The following CAMTA1 variants were observed in gnomAD, a reference collection of about 807,000 sequenced individuals.
CAMTA1 encodes calmodulin-binding transcription activator 1.
Under a neutral mutation model 170.9 loss-of-function variants are expected in CAMTA1, and 27 were observed. The ratio of observed to expected loss-of-function variants is 0.16; its 90% CI spans 0.12 to 0.22. The LOEUF is 0.22. Ranked by LOEUF, CAMTA1 falls within the 10% of genes least tolerant of loss-of-function variation. The probability of loss-of-function intolerance (pLI) is 1.00; values close to 1 mark genes in which losing one functional copy is unlikely to be tolerated. For synonymous variants in CAMTA1, 833 were observed against 891.5 expected (o/e 0.93, Z 1.17); for missense variants, 1,619 against 2,217.2 (o/e 0.73, Z 5.42).
At chr1:7,219,542 T>TAAAAAAAAA (rs34288461) in intron 4 of CAMTA1, 1 of 65,264 alleles carries the variant, frequency 1.5e-5, no homozygotes, top group African/African-American at 6.0e-5. Flanking sequence ...AATTTTTTCT[T>TAAAAAAAAA]AAAAAAAAAA....
intron 4 of CAMTA1, among the ~76,000 whole-genome samples, chr1:7,120,386 G>C (rs1054390536): frequency 1.4e-4 from 22 of 152,180 alleles, no homozygotes; most frequent in African/African-American, 4.8e-4. Context: ...ACAGGTTGTT[G>C]GACAGGGGCC....
chr1:7,555,634 G>T (rs1275640246), intron 6 of CAMTA1, among the ~76,000 whole-genome samples: 1 of 152,106 alleles, frequency 6.6e-6, no homozygotes, highest in African/African-American at 2.4e-5. Context: ...AAAGCCCCTG[G>T]CTCCCACGGA....
At chr1:6,898,376 A>G (rs1241309597) in intron 3 of CAMTA1, among the ~76,000 whole-genome samples, 1 of 151,984 alleles carries the variant, frequency 6.6e-6, no homozygotes, top group African/African-American at 2.4e-5. Context: ...ACACGGTGAA[A>G]CCCCGTCTCT....
chr1:7,670,787 G>A, intron 9 of CAMTA1, 124 bp from the exon 10 acceptor site: 1 of 1,080,956 alleles, frequency 9.3e-7, no homozygotes, highest in Non-Finnish European at 1.3e-6. Flanking sequence ...TGAGGGCCTG[G>A]GAATCTGCAT....
intron 21 of CAMTA1, 95 bp from the exon 22 acceptor site, chr1:7,755,543 T>A: frequency 1.0e-6 from 1 of 972,442 alleles, no homozygotes; most frequent in South Asian, 1.4e-5. Flanking sequence ...AGAAACCATG[T>A]TATATTCTTT....
At chr1:7,713,300 AAG>A (rs1234457326) in intron 11 of CAMTA1, among the ~76,000 whole-genome samples, 1 of 152,174 alleles carries the variant, frequency 6.6e-6, no homozygotes, top group African/African-American at 2.4e-5. Context: ...TGATGAGAGA[AAG>A]AGGAGGAAGA....
At chr1:7,339,354 C>T (rs985101907) in intron 5 of CAMTA1, among the ~76,000 whole-genome samples, 2 of 152,122 alleles carry the variant, frequency 1.3e-5, no homozygotes, top group Non-Finnish European at 2.9e-5. Context: ...ATTTCAGATA[C>T]AGCAGTCAGG....
At chr1:7,656,093 G>A (rs1183219407) in intron 7 of CAMTA1, among the ~76,000 whole-genome samples, 2 of 152,186 alleles carry the variant, frequency 1.3e-5, no homozygotes, top group African/African-American at 4.8e-5. Context: ...CTTGATATTG[G>A]ACTTCCCAGC....
chr1:6,794,583 T>C (rs1284575540), intron 1 of CAMTA1, among the ~76,000 whole-genome samples: 3 of 152,256 alleles, frequency 2.0e-5, no homozygotes, highest in African/African-American at 4.8e-5. Context: ...AGTTTTGTGC[T>C]TTGGAGAGGT....
intron 6 of CAMTA1, among the ~76,000 whole-genome samples, chr1:7,551,555 C>T (rs553310594): frequency 6.6e-6 from 1 of 152,272 alleles, no homozygotes; most frequent in South Asian, 2.1e-4. Context: ...ACGTCCTCAC[C>T]GCAGGCTCCC....
At position 7,092,083 on chromosome 1, in the gene CAMTA1, T is replaced by C. The variant is rs1361794298; in HGVS notation, c.302+712T>C. ...ATGTTACAATCTAGAGCTTCGGAAA[T>C]ACATGGCCACTCTCTTCCAATTGCC... On this transcript the variant is annotated intron_variant, in intron 4 of 22. Coordinates refer to ENST00000303635, the MANE Select transcript of CAMTA1 (RefSeq NM_015215.4). The surrounding 1 kb of genome is among the most constrained non-coding windows in gnomAD (Gnocchi z 5.0). Among the ~76,000 whole-genome samples the C allele has an allele frequency of 6.6e-6, 1 of 152,226 alleles. No individual in the cohort carries two copies. Among genetic ancestry groups the C allele is most frequent in the African/African-American group, 2.4e-5 (1 of 41,454 alleles).
chr1:7,401,618 C>T (rs2089911712), intron 5 of CAMTA1, among the ~76,000 whole-genome samples: 1 of 152,154 alleles, frequency 6.6e-6, no homozygotes, highest in African/African-American at 2.4e-5. Context: ...TTCACATCAA[C>T]ATGGTATGTT....
chr1:7,582,545 G>A (rs547919811), intron 6 of CAMTA1, among the ~76,000 whole-genome samples: 1 of 152,192 alleles, frequency 6.6e-6, no homozygotes, highest in South Asian at 2.1e-4. Context: ...GGGCTAGTGT[G>A]GTGACTGCAC....
intron 3 of CAMTA1, among the ~76,000 whole-genome samples, chr1:7,035,210 C>G (rs6577407): frequency 0.68 from 103,950 of 151,874 alleles, 36,596 homozygotes; most frequent in African/African-American, 0.86. Flanking sequence ...GAGACCACCT[C>G]ATCAACATGG....
At chr1:7,439,911 T>C (rs367871602) in intron 5 of CAMTA1, among the ~76,000 whole-genome samples, 71 of 152,314 alleles carry the variant, frequency 4.7e-4, no homozygotes, top group African/African-American at 1.7e-3. Context: ...ATTTGCAAAA[T>C]GAAGAGGCCC....
At chr1:7,199,225 C>T (rs1274843788) in intron 4 of CAMTA1, among the ~76,000 whole-genome samples, 1 of 152,236 alleles carries the variant, frequency 6.6e-6, no homozygotes, top group African/African-American at 2.4e-5. Context: ...CCCCACGCCT[C>T]CACCCGCTGG....
chr1:7,270,419 C>T (rs1008917648), intron 5 of CAMTA1, among the ~76,000 whole-genome samples: 9 of 151,484 alleles, frequency 5.9e-5, no homozygotes, highest in Non-Finnish European at 1.2e-4. Flanking sequence ...CTCACCCTCC[C>T]GAGTAGCTGG....
chr1:7,524,804 G>C lies in CAMTA1; in HGVS notation c.510+56903G>C, dbSNP rs567739012. Among the ~76,000 whole-genome samples the C allele has an allele frequency of 1.3e-4, 20 of 152,034 alleles. No individual in the cohort carries two copies. The South Asian group carries it at 4.2e-3, about 32-fold the overall frequency. The stretch of plus-strand genomic sequence containing the variant: ...ATCCTGGAGGGCCCGGTGGGTAAGG[G>C]GTCCACAGCCTCCCGCTCAGGTTTT... On this transcript the variant is annotated intron_variant, in intron 6 of 22. Transcript: ENST00000303635.
intron 3 of CAMTA1, among the ~76,000 whole-genome samples, chr1:6,959,361 G>T (rs919085937): frequency 6.6e-6 from 1 of 152,190 alleles, no homozygotes; most frequent in Non-Finnish European, 1.5e-5. Context: ...GAGGGAGTTT[G>T]CAGGAAGCGG....
Sources: allele counts gnomAD v4.1 joint callset (sites outside exome capture counted in the v4.1 genomes callset), GRCh38; gene constraint gnomAD v4.1.1; non-coding constraint Gnocchi (gnomAD v3.1); transcripts MANE v1.5; gene names NCBI Gene and HGNC (gene_info 2026-07-23, HGNC 2026-07-21).